EYS: variants seen among roughly 807,000 people sequenced by gnomAD.
The protein encoded by EYS is EGF-like photoreceptor maintenance factor.
In EYS, 250 loss-of-function variants were observed where a neutral mutation model predicts 282.1. The observed-to-expected ratio is 0.89, with a 90% CI of 0.80 to 0.98. The LOEUF is 0.98. EYS is among the 50% of genes least tolerant of loss of function. The pLI, the probability that EYS is intolerant of heterozygous loss-of-function variation, is 0.00. For missense variants in EYS, 4,016 were observed against 3,709.0 expected (o/e 1.08, Z -2.15); for synonymous variants, 1,355 against 1,282.9 (o/e 1.06, Z -1.20).
At chr6:63,850,116 A>C (rs1374220024) in intron 36 of EYS, among the ~76,000 whole-genome samples, 1 of 152,242 alleles carries the variant, frequency 6.6e-6, no homozygotes, top group Non-Finnish European at 1.5e-5. Context: ...GCATGAAAAC[A>C]AGATTAGAGA....
intron 21 of EYS, chr6:64,815,257 C>A: frequency 2.2e-6 from 1 of 459,816 alleles, no homozygotes. Flanking sequence ...ACCAAGAGCA[C>A]ATAGTAGACT....
chr6:65,351,829 T>G (rs928442181), intron 9 of EYS, among the ~76,000 whole-genome samples: 1 of 151,818 alleles, frequency 6.6e-6, no homozygotes, highest in South Asian at 2.1e-4. Context: ...TTGATTGTTC[T>G]GTAATGAGAG....
At chr6:64,792,697 C>T (rs1774227790) in intron 22 of EYS, among the ~76,000 whole-genome samples, 1 of 151,948 alleles carries the variant, frequency 6.6e-6, no homozygotes, top group African/African-American at 2.4e-5. Context: ...AGCATGTACC[C>T]GTGTCCAAAA....
At chr6:64,329,217 G>A (rs1422840159) in intron 29 of EYS, among the ~76,000 whole-genome samples, 1 of 152,166 alleles carries the variant, frequency 6.6e-6, no homozygotes, top group African/African-American at 2.4e-5. Flanking sequence ...TAAAAATTAT[G>A]TCAATATAAT....
chr6:65,091,296 A>C (rs13206531), intron 12 of EYS, among the ~76,000 whole-genome samples: 1 of 137,184 alleles, frequency 7.3e-6, no homozygotes, highest in African/African-American at 2.9e-5. Context: ...AAAAAAAAAA[A>C]CAGATTAGCT....
chr6:65,428,477 T>C (rs1341096251), intron 5 of EYS, among the ~76,000 whole-genome samples: 1 of 152,020 alleles, frequency 6.6e-6, no homozygotes, highest in Non-Finnish European at 1.5e-5. Flanking sequence ...TCACATATTT[T>C]TCTATGAAAT....
intron 12 of EYS, among the ~76,000 whole-genome samples, chr6:65,109,141 A>G (rs901107358): frequency 1.2e-4 from 18 of 152,048 alleles, no homozygotes; most frequent in African/African-American, 3.9e-4. Context: ...AAGATAATCT[A>G]TACAAACTAT....
chr6:65,351,390 C>T (rs1414037894), intron 9 of EYS, among the ~76,000 whole-genome samples: 4 of 151,694 alleles, frequency 2.6e-5, no homozygotes, highest in African/African-American at 9.7e-5. Flanking sequence ...TTGCTTTCTG[C>T]TAAGTTTTCC....
At chr6:64,459,919 A>T (rs1421045785) in intron 26 of EYS, among the ~76,000 whole-genome samples, 1 of 151,234 alleles carries the variant, frequency 6.6e-6, no homozygotes, top group African/African-American at 2.4e-5. Flanking sequence ...AATATTAACC[A>T]TCACATCTCC....
intron 2 of EYS, among the ~76,000 whole-genome samples, chr6:65,508,612 G>A (rs562549841): frequency 2.0e-5 from 3 of 147,484 alleles, no homozygotes; most frequent in Non-Finnish European, 3.0e-5. Flanking sequence ...AGGCAGAGCC[G>A]AGATCACGCC....
Position 65,464,362 on chromosome 6 carries a change from A to C in EYS, c.862+26232T>G, listed in dbSNP as rs73445199. On this transcript the variant is annotated intron_variant, in intron 5 of 42. Coordinates refer to ENST00000503581, the MANE Select transcript of EYS (RefSeq NM_001142800.2). The stretch of plus-strand genomic sequence containing the variant: ...GGTAGTTAAATTTTGTTTACTACAG[A>C]ATAGCAAATTACACTGTCTGGCTTA... Among the ~76,000 whole-genome samples, 694 of 152,284 alleles carry C rather than the reference A, an allele frequency of 4.6e-3. 3 individuals are homozygous for C. Among genetic ancestry groups the C allele is most frequent in the African/African-American group, 0.015 (642 of 41,574 alleles).
At chr6:65,244,004 C>T (rs1210925231) in intron 12 of EYS, among the ~76,000 whole-genome samples, 1 of 152,138 alleles carries the variant, frequency 6.6e-6, no homozygotes, top group Non-Finnish European at 1.5e-5. Context: ...CACTCTTTAT[C>T]ATTGTCATAG....
intron 2 of EYS, among the ~76,000 whole-genome samples, chr6:65,553,712 G>T (rs1215057901): frequency 6.6e-6 from 1 of 150,958 alleles, no homozygotes; most frequent in Non-Finnish European, 1.5e-5. Flanking sequence ...ATAAAATAAT[G>T]ATGAGTTATA....
At chr6:63,802,674 C>A (rs764622544) in intron 37 of EYS, among the ~76,000 whole-genome samples, 2 of 151,712 alleles carry the variant, frequency 1.3e-5, no homozygotes, top group African/African-American at 4.8e-5. Flanking sequence ...ATTCAATATA[C>A]ATGATTCAAT....
chr6:65,273,639 G>T (rs569164597), intron 12 of EYS, among the ~76,000 whole-genome samples: 37 of 152,290 alleles, frequency 2.4e-4, no homozygotes, highest in Admixed American at 8.5e-4. Flanking sequence ...TTTTACAAAT[G>T]TCTGTATTTA....
intron 26 of EYS, among the ~76,000 whole-genome samples, chr6:64,441,055 A>G (rs1774928001): frequency 6.6e-6 from 1 of 152,174 alleles, no homozygotes; most frequent in South Asian, 2.1e-4. Flanking sequence ...TGGTAAAATC[A>G]TTGATGCTTT....
chr6:64,849,445 A>T (rs2150040610), intron 19 of EYS, among the ~76,000 whole-genome samples: 1 of 152,152 alleles, frequency 6.6e-6, no homozygotes, highest in Non-Finnish European at 1.5e-5. Flanking sequence ...CACATTTTAG[A>T]TCAAAAATAT....
intron 41 of EYS, among the ~76,000 whole-genome samples, chr6:63,759,853 T>C (rs1476444921): frequency 6.6e-6 from 1 of 152,062 alleles, no homozygotes; most frequent in Non-Finnish European, 1.5e-5. Flanking sequence ...AGGACTTGGC[T>C]GGAAACCATC....
At position 63,762,467 on chromosome 6, in the gene EYS, C is replaced by T. The variant is rs1173298523; in HGVS notation, c.8065G>A (p.Glu2689Lys). The T allele has an allele frequency of 6.5e-7, 1 of 1,549,736 alleles. No homozygotes were observed. Among genetic ancestry groups the T allele is most frequent in the Admixed American group, 2.0e-5 (1 of 50,902 alleles). Residue 2689 changes from glutamate (E) to lysine (K), a missense_variant, in exon 41 of 43, where the codon GAA becomes AAA. Physicochemically the swap from Glu to Lys is moderately conservative, Grantham distance 56 (BLOSUM62 1). Coordinates refer to ENST00000503581, the MANE Select transcript of EYS (RefSeq NM_001142800.2). ...CPLGTTGIYC[E>K]QALSISDPSF... ...ATTTGAAATTCTGCCTCACCTTGTT[C>T]ACAGTAGATTCCAGTGGTTCCTAGA...
Sources: gnomAD v4.1 joint callset for allele counts (sites outside exome capture counted in the v4.1 genomes callset) on GRCh38, gnomAD v4.1.1 for gene constraint, MANE v1.5 for transcripts, NCBI Gene and HGNC (gene_info 2026-07-23, HGNC 2026-07-21) for gene names.